Variants in MGAT4C observed in about 807,000 individuals in gnomAD.
MGAT4C encodes MGAT4 family member C, also known as alpha-1,3-mannosyl-glycoprotein 4-beta-N-acetylglucosaminyltransferase C.
MGAT4C carries 19 observed loss-of-function variants against 40.1 expected under a neutral mutation model. The ratio of observed to expected loss-of-function variants is 0.47; its 90% confidence interval spans 0.33 to 0.70. The LOEUF is 0.70. MGAT4C is among the 30% of genes least tolerant of loss of function. MGAT4C has a pLI of 0.02. For synonymous variants in MGAT4C, 181 were observed against 187.1 expected (o/e 0.97, Z 0.27); for missense variants, 491 against 563.2 (o/e 0.87, Z 1.30).
intron 3 of MGAT4C, among the ~76,000 whole-genome samples, chr12:86,384,385 T>A (rs1398733268): frequency 6.6e-6 from 1 of 152,198 alleles, no homozygotes; most frequent in African/African-American, 2.4e-5. Context: ...AAATATAGAC[T>A]TTAGAGATTT....
At chr12:86,313,838 C>A (rs1954135494) in intron 4 of MGAT4C, among the ~76,000 whole-genome samples, 1 of 152,124 alleles carries the variant, frequency 6.6e-6, no homozygotes, top group African/African-American at 2.4e-5. Flanking sequence ...TCCAAATGAT[C>A]TACAATGTCT....
At chr12:86,006,758 T>C (rs1212497687) in intron 2 of MGAT4C, among the ~76,000 whole-genome samples, 2 of 152,190 alleles carry the variant, frequency 1.3e-5, no homozygotes, top group Non-Finnish European at 2.9e-5. Context: ...TATCTTGCCT[T>C]AAGCAAGAAA....
intron 1 of MGAT4C, among the ~76,000 whole-genome samples, chr12:86,085,027 T>C (rs1019647683): frequency 1.3e-5 from 2 of 152,084 alleles, no homozygotes; most frequent in Non-Finnish European, 2.9e-5. Flanking sequence ...GTTATAAGGA[T>C]GTGTGTGTAA....
chr12:86,211,072 T>C (rs923386037), intron 1 of MGAT4C, among the ~76,000 whole-genome samples: 17 of 151,842 alleles, frequency 1.1e-4, no homozygotes, highest in African/African-American at 4.1e-4. Context: ...CACATGGTAG[T>C]ATATACCTGT....
intron 2 of MGAT4C, among the ~76,000 whole-genome samples, chr12:86,668,779 T>C (rs1236332477): frequency 6.6e-6 from 1 of 152,178 alleles, no homozygotes; most frequent in Admixed American, 6.5e-5. Flanking sequence ...CTGCAGTTTC[T>C]CCTGGGTGGT....
At chr12:86,606,099 C>A (rs931223160) in intron 2 of MGAT4C, among the ~76,000 whole-genome samples, 1 of 151,786 alleles carries the variant, frequency 6.6e-6, no homozygotes, top group African/African-American at 2.4e-5. Context: ...CATTAGATCT[C>A]GTGAAAACTC....
intron 1 of MGAT4C, among the ~76,000 whole-genome samples, chr12:86,156,351 C>T (rs1391809136): frequency 6.6e-6 from 1 of 152,108 alleles, no homozygotes; most frequent in African/African-American, 2.4e-5. Context: ...AGGCGGAGTT[C>T]TGCTCTTGTT....
In MGAT4C at chr12:85,966,489, C is replaced by A. The variant is rs1328742224; in HGVS notation, c.*12800G>T. The A allele has an allele frequency of 2.0e-5, 3 of 152,078 alleles. No individual in the cohort carries two copies. The highest frequency in any genetic ancestry group is 3.9e-4 in the East Asian group (2 of 5,188). 9.4% of individuals were successfully genotyped at this position (152,078 alleles called of 1,614,324 possible). On this transcript the variant is annotated 3_prime_UTR_variant, in exon 5 of 5. Transcript: ENST00000611864. ...TGCACTCTAATTACATAACCAAAAT[C>A]TTTTTAAAAATTCTTAGTTCTTTTA...
chr12:86,728,616 G>A (rs928299180), intron 1 of MGAT4C, among the ~76,000 whole-genome samples: 1 of 152,114 alleles, frequency 6.6e-6, no homozygotes, highest in Non-Finnish European at 1.5e-5. Context: ...GCTTGAACCC[G>A]GGAGGCAGAG....
chr12:86,497,093 T>G (rs1378451776), intron 2 of MGAT4C, among the ~76,000 whole-genome samples: 1 of 152,032 alleles, frequency 6.6e-6, no homozygotes, highest in East Asian at 1.9e-4. Context: ...TGCAAATATT[T>G]TCAATAAAAT....
intron 2 of MGAT4C, among the ~76,000 whole-genome samples, chr12:86,715,928 T>C (rs191109883): frequency 1.3e-5 from 2 of 152,208 alleles, no homozygotes; most frequent in East Asian, 3.9e-4. Context: ...CAAACAAAAC[T>C]AGAAATTGTG....
intron 2 of MGAT4C, among the ~76,000 whole-genome samples, chr12:86,468,509 C>T (rs984920072): frequency 6.7e-6 from 1 of 149,826 alleles, no homozygotes; most frequent in African/African-American, 2.4e-5. Flanking sequence ...ATGCAGAAGT[C>T]TGAGTTGTTT....
At position 86,711,529 on chromosome 12, in the gene MGAT4C, A is replaced by G. The variant is rs1308789249; in HGVS notation, c.-229+15680T>C. On this transcript the variant is annotated intron_variant, in intron 2 of 7. Transcript: ENST00000548651. ...GTGTATAGATGGTCACTACACTGTT[A>G]ACACTAATTAAAAATTGGTTTTTGG... Among the ~76,000 whole-genome samples the G allele has an allele frequency of 3.3e-5, 5 of 152,294 alleles. No individual in the cohort carries two copies. The East Asian group carries it at 9.6e-4, about 29-fold the overall frequency.
intron 1 of MGAT4C, among the ~76,000 whole-genome samples, chr12:86,819,780 TATA>T (rs1279247928): frequency 1.3e-5 from 2 of 150,690 alleles, no homozygotes; most frequent in African/African-American, 4.8e-5. Context: ...AAATCATAAT[TATA>T]ATAATGATTA....
At chr12:86,516,342 G>A (rs80252521) in intron 2 of MGAT4C, among the ~76,000 whole-genome samples, 131 of 152,098 alleles carry the variant, frequency 8.6e-4, no homozygotes, top group African/African-American at 2.7e-3. Flanking sequence ...ATAATTCAGC[G>A]GAGGAAAGAA....
intron 1 of MGAT4C, among the ~76,000 whole-genome samples, chr12:86,255,901 A>G (rs183126758): frequency 1.6e-3 from 240 of 152,282 alleles, no homozygotes; most frequent in Non-Finnish European, 2.8e-3. Flanking sequence ...ACTAATAGAA[A>G]AATATAGAGA....
chr12:86,684,689 A>G (rs1015890362), intron 2 of MGAT4C, among the ~76,000 whole-genome samples: 1 of 152,008 alleles, frequency 6.6e-6, no homozygotes, highest in Non-Finnish European at 1.5e-5. Flanking sequence ...CCTCTCCAGG[A>G]TCTGTTGTTT....
chr12:86,468,502 C>T (rs965223032), intron 2 of MGAT4C, among the ~76,000 whole-genome samples: 5 of 151,068 alleles, frequency 3.3e-5, no homozygotes, highest in African/African-American at 1.2e-4. Flanking sequence ...TATCTAAATG[C>T]AGAAGTCTGA....
intron 2 of MGAT4C, among the ~76,000 whole-genome samples, chr12:86,482,371 T>A (rs1957952507): frequency 6.6e-6 from 1 of 152,066 alleles, no homozygotes; most frequent in African/African-American, 2.4e-5. Flanking sequence ...TGTCTTCAAT[T>A]CTCAGCAGAT....
Sources: allele counts gnomAD v4.1 joint callset (sites outside exome capture counted in the v4.1 genomes callset), GRCh38; gene constraint gnomAD v4.1.1; transcripts MANE v1.5; gene names NCBI Gene and HGNC (gene_info 2026-07-23, HGNC 2026-07-21).